SLCO3A1: variants seen among roughly 807,000 people sequenced by gnomAD.
The protein encoded by SLCO3A1 is PGE1 transporter.
In SLCO3A1, 27 loss-of-function variants were observed where a neutral mutation model predicts 63.1. The observed-to-expected ratio is 0.43, with a 90% confidence interval of 0.32 to 0.59. The LOEUF (loss-of-function observed/expected upper bound fraction) is 0.59, where lower values mean the gene tolerates loss of function less well. Among genes scored for constraint, SLCO3A1 ranks in the 20% least tolerant of loss-of-function variants. The pLI is 0.09. For synonymous variants in SLCO3A1, 473 were observed against 409.9 expected (o/e 1.15, Z -1.86); for missense variants, 773 against 945.8 (o/e 0.82, Z 2.40).
chr15:91,995,828 A>G (rs2151448394), intron 2 of SLCO3A1, among the ~76,000 whole-genome samples: 1 of 152,306 alleles, frequency 6.6e-6, no homozygotes, highest in East Asian at 1.9e-4. Context: ...ATTAAAAACA[A>G]GAAAATATTA....
chr15:92,060,999 A>G (rs973516675), intron 2 of SLCO3A1, among the ~76,000 whole-genome samples: 22 of 152,154 alleles, frequency 1.4e-4, no homozygotes, highest in African/African-American at 4.6e-4. Flanking sequence ...TGACTGAAAC[A>G]TTTGTTACAC....
At chr15:92,076,409 C>G (rs765059628) in intron 2 of SLCO3A1, among the ~76,000 whole-genome samples, 5 of 152,184 alleles carry the variant, frequency 3.3e-5, no homozygotes, top group Non-Finnish European at 7.3e-5. Flanking sequence ...AGTACTTTCC[C>G]CGGATGCAGG....
At chr15:91,887,125 G>C (rs1195624697) in intron 1 of SLCO3A1, among the ~76,000 whole-genome samples, 2 of 152,330 alleles carry the variant, frequency 1.3e-5, no homozygotes, top group Middle Eastern at 3.4e-3. Context: ...CTAATTCAGT[G>C]CTGGGTCATA....
intron 8 of SLCO3A1, among the ~76,000 whole-genome samples, chr15:92,148,520 T>A (rs2048260544): frequency 6.6e-6 from 1 of 152,200 alleles, no homozygotes; most frequent in South Asian, 2.1e-4. Context: ...TTACTAAGTT[T>A]GAAAAATAAA....
intron 1 of SLCO3A1, among the ~76,000 whole-genome samples, chr15:91,870,390 C>T (rs1391280980): frequency 1.3e-5 from 2 of 152,132 alleles, no homozygotes; most frequent in Admixed American, 1.3e-4. Flanking sequence ...GTGTCCAAGG[C>T]CAGCCTTATT....
chr15:92,044,151 A>G (rs1407769371), intron 2 of SLCO3A1, among the ~76,000 whole-genome samples: 1 of 151,836 alleles, frequency 6.6e-6, no homozygotes, highest in Non-Finnish European at 1.5e-5. Context: ...CATCTCCACC[A>G]TGACCTTCCC....
chr15:91,949,118 G>T (rs896343955), intron 2 of SLCO3A1, among the ~76,000 whole-genome samples: 15 of 152,014 alleles, frequency 9.9e-5, no homozygotes, highest in African/African-American at 3.4e-4. Context: ...GTTGGGGTGG[G>T]TGCATCAAAA....
chr15:91,896,925 C>T (rs561127175), intron 1 of SLCO3A1, among the ~76,000 whole-genome samples: 2 of 152,280 alleles, frequency 1.3e-5, no homozygotes, highest in South Asian at 4.1e-4. Flanking sequence ...AGCCTTGATG[C>T]TGAGGAGAGG....
chr15:91,918,451 G>T (rs1313490001), intron 2 of SLCO3A1, among the ~76,000 whole-genome samples: 1 of 152,298 alleles, frequency 6.6e-6, no homozygotes, highest in East Asian at 1.9e-4. Flanking sequence ...CGTAGCCCAT[G>T]CCATGGAGAT....
intron 9 of SLCO3A1, among the ~76,000 whole-genome samples, chr15:92,158,525 G>C (rs748375405): frequency 6.6e-6 from 1 of 152,188 alleles, no homozygotes; most frequent in Non-Finnish European, 1.5e-5. Flanking sequence ...TACAGTCCTG[G>C]GTAGGGGGTA....
At chr15:92,054,624 C>A (rs1409551789) in intron 2 of SLCO3A1, among the ~76,000 whole-genome samples, 1 of 151,928 alleles carries the variant, frequency 6.6e-6, no homozygotes, top group Non-Finnish European at 1.5e-5. Context: ...GCCCACAGGC[C>A]CCAGGGTGTG....
In SLCO3A1 at chr15:92,061,807, C is replaced by G. The variant is rs1047602971; in HGVS notation, c.647-33074C>G. Among the ~76,000 whole-genome samples the G allele has an allele frequency of 3.5e-5, 4 of 115,190 alleles. No individual in the cohort carries two copies. In the Admixed American group the frequency reaches 4.7e-4, roughly 14 times the overall value. The allele number at this position is 115,190 out of a possible 152,430, so 75.6% of individuals were successfully genotyped here. A position where few individuals can be genotyped will look rare whatever the true frequency, so the allele number is the denominator to read the frequency against. ...CAACCCATCACCCTGTTAGACGCTC[C>G]TATGGGTTTGTTTGTGGATGCACAT... On this transcript the variant is annotated intron_variant, in intron 2 of 9. Coordinates refer to ENST00000318445, the MANE Select transcript of SLCO3A1 (RefSeq NM_013272.4).
At chr15:92,098,398 C>T (rs565211488) in intron 3 of SLCO3A1, among the ~76,000 whole-genome samples, 5 of 152,302 alleles carry the variant, frequency 3.3e-5, no homozygotes, top group African/African-American at 1.2e-4. Context: ...TCCCTTTGCT[C>T]CTCAGCTCAG....
At position 91,854,419 on chromosome 15, in the gene SLCO3A1, A is replaced by G. The variant is rs1041498657; in HGVS notation, c.180+331A>G. The G allele has an allele frequency of 8.8e-6, 9 of 1,018,988 alleles. No homozygotes were observed. The highest frequency in any genetic ancestry group is 8.1e-5 in the East Asian group (1 of 12,332). The allele number at this position is 1,018,988 out of a possible 1,614,324, so 63.1% of individuals were successfully genotyped here. On this transcript the variant is annotated intron_variant, in intron 1 of 9. Transcript: ENST00000318445. This position sits in a 1 kb window ranked among gnomAD's most constrained non-coding sequence, Gnocchi z 6.4. Reference sequence around the variant, plus strand: ...AAGAGCGGAGCGAGACGGTGAGTTCAGGGTTCTCCTTGGAGAGGAACGAAA... The same window carrying G: ...AAGAGCGGAGCGAGACGGTGAGTTCGGGGTTCTCCTTGGAGAGGAACGAAA...
chr15:92,023,403 A>G (rs992329894), intron 2 of SLCO3A1, among the ~76,000 whole-genome samples: 1 of 151,950 alleles, frequency 6.6e-6, no homozygotes, highest in Non-Finnish European at 1.5e-5. Flanking sequence ...ATTGTTTGGT[A>G]CTCTATATGA....
chr15:91,857,038 G>C (rs61370887), intron 1 of SLCO3A1, among the ~76,000 whole-genome samples: 2,117 of 119,266 alleles, frequency 0.018, 86 homozygotes, highest in Admixed American at 0.083. Context: ...TCGTGTGTGT[G>C]TGTGTGTGTG....
At chr15:91,880,102 C>T (rs1168640556) in intron 1 of SLCO3A1, among the ~76,000 whole-genome samples, 2 of 75,554 alleles carry the variant, frequency 2.6e-5, no homozygotes, top group South Asian at 4.6e-4. Context: ...TATGTGTGTC[C>T]GTCCGTCCGT....
At chr15:91,946,514 G>C (rs1899811304) in intron 2 of SLCO3A1, among the ~76,000 whole-genome samples, 1 of 152,166 alleles carries the variant, frequency 6.6e-6, no homozygotes, top group Non-Finnish European at 1.5e-5. Context: ...GGTTCAGTCA[G>C]TTATGTTATA....
intron 7 of SLCO3A1, among the ~76,000 whole-genome samples, chr15:92,141,950 G>T (rs2048138964): frequency 1.3e-5 from 2 of 152,206 alleles, no homozygotes; most frequent in African/African-American, 4.8e-5. Context: ...TGCTCCCCAT[G>T]TGTGGGACCA....
Sources: gnomAD v4.1 joint callset for allele counts (sites outside exome capture counted in the v4.1 genomes callset) on GRCh38, gnomAD v4.1.1 for gene constraint, Gnocchi (gnomAD v3.1) non-coding constraint, MANE v1.5 for transcripts, NCBI Gene and HGNC (gene_info 2026-07-23, HGNC 2026-07-21) for gene names.